The following SERPINB4 variants were observed in gnomAD, a reference collection of about 807,000 sequenced individuals.
SERPINB4 encodes the protein serpin B4.
Under a neutral mutation model 33.2 loss-of-function variants are expected in SERPINB4, and 39 were observed. The observed-to-expected ratio is 1.18, with a 90% CI of 0.91 to 1.53. The LOEUF (loss-of-function observed/expected upper bound fraction) is 1.53, where lower values mean the gene tolerates loss of function less well. Ranked by LOEUF, SERPINB4 falls within the 40% of genes most tolerant of loss-of-function variation. The pLI is 0.00. For synonymous variants in SERPINB4, 191 were observed against 166.4 expected, an observed-to-expected ratio of 1.15 and a Z score of -1.14; for missense variants, 564 against 455.4, an observed-to-expected ratio of 1.24 and a Z score of -2.17.
intron 4 of SERPINB4, among the ~76,000 whole-genome samples, chr18:63,641,457 G>C (rs919672586): frequency 1.3e-5 from 2 of 151,876 alleles, no homozygotes; most frequent in Non-Finnish European, 2.9e-5. Context: ...AAGATGTATC[G>C]TATGTGACTG....
chr18:63,642,098 G>A (rs756640548), intron 3 of SERPINB4, among the ~76,000 whole-genome samples: 4 of 151,920 alleles, frequency 2.6e-5, no homozygotes, highest in Admixed American at 1.3e-4. Context: ...TTGCTCTAAC[G>A]TACTGCAATC....
At chr18:63,638,218 C>CA in intron 7 of SERPINB4, 95 bp from the exon 8 acceptor site, 1 of 1,409,586 alleles carries the variant, frequency 7.1e-7, no homozygotes, top group Non-Finnish European at 9.5e-7. Flanking sequence ...GTTATTTTGG[C>CA]AATAAATGTG....
In SERPINB4 at chr18:63,641,955, T is replaced by C. The variant is rs1290128664; in HGVS notation, c.223-67A>G. ...ATGTAAATACTAAACCCATGCTAAG[T>C]CTGTTAGATCAGTCCCTAAATGCTG... is the stretch of plus-strand genomic sequence containing the variant. On this transcript the variant is annotated intron_variant, in intron 3 of 7. Coordinates refer to ENST00000341074, the MANE Select transcript of SERPINB4 (RefSeq NM_002974.4). 4 of 1,598,862 alleles carry C rather than the reference T, an allele frequency of 2.5e-6. No homozygotes were observed. The Admixed American group carries it at 5.1e-5, about 20-fold the overall frequency.
intron 7 of SERPINB4, among the ~76,000 whole-genome samples, 190 bp from the exon 8 acceptor site, chr18:63,638,313 T>C (rs1166724953): frequency 6.6e-6 from 1 of 152,084 alleles, no homozygotes; most frequent in Non-Finnish European, 1.5e-5. Flanking sequence ...TTGGGTTATA[T>C]GTGTATATGT....
chr18:63,640,298 A>C (rs1183491321), intron 5 of SERPINB4, among the ~76,000 whole-genome samples: 1 of 151,952 alleles, frequency 6.6e-6, no homozygotes, highest in Admixed American at 6.6e-5. Context: ...GAGTTGCTGT[A>C]AGTTTGGCCT....
At position 63,643,253 on chromosome 18, in the gene SERPINB4, C is replaced by A. The variant is rs1913197989; in HGVS notation, c.166-36G>T. On this transcript the variant is annotated intron_variant, in intron 2 of 7. Coordinates refer to ENST00000341074, the MANE Select transcript of SERPINB4 (RefSeq NM_002974.4). Reference sequence around the variant, plus strand: ...CATGAAGCGGGACAAGAAAACTTTACTCAAAAGATCTGTTTAAGTCAGTGG... The same window carrying A: ...CATGAAGCGGGACAAGAAAACTTTAATCAAAAGATCTGTTTAAGTCAGTGG... 4 of 1,612,982 alleles carry A rather than the reference C, an allele frequency of 2.5e-6. No individual in the cohort carries two copies. The East Asian group carries it at 8.9e-5, about 36-fold the overall frequency.
chr18:63,640,041 A>G (rs183150358), intron 5 of SERPINB4, among the ~76,000 whole-genome samples: 173 of 152,192 alleles, frequency 1.1e-3, no homozygotes, highest in Non-Finnish European at 2.0e-3. Flanking sequence ...TCTGTGTATG[A>G]ATGTCTCCAA....
At chr18:63,639,945 G>A (rs1442887955) in intron 5 of SERPINB4, among the ~76,000 whole-genome samples, 169 bp from the exon 6 acceptor site, 1 of 152,030 alleles carries the variant, frequency 6.6e-6, no homozygotes, top group Non-Finnish European at 1.5e-5. Context: ...TGGTTCACCA[G>A]ATGCAGCTTT....
Position 63,640,947 on chromosome 18 carries a change from T to C in SERPINB4, c.396A>G (p.Glu132=), listed in dbSNP as rs1393882836. 6.2e-7 allele frequency: 1 copy of C among 1,612,846 alleles called. No individual in the cohort carries two copies. The highest frequency in any genetic ancestry group is 8.5e-7 in the Non-Finnish European group (1 of 1,179,302). The change falls in exon 5 of 8, where the codon GAA becomes GAG. Residue 132 remains glutamate (E), a synonymous_variant. Transcript: ENST00000341074. The stretch of plus-strand genomic sequence containing the variant: ...CTGGAGCATTTGCAAAATCAGTAGA[T>C]TCCACACTGGTCTGGTAAAATTTCT... ...AIKKFYQTSV[E]STDFANAPEE... is the part of the protein sequence containing the mutation.
intron 7 of SERPINB4, 152 bp from the exon 8 acceptor site, chr18:63,638,275 A>AT (rs1913006464): frequency 7.0e-6 from 6 of 852,052 alleles, no homozygotes; most frequent in Non-Finnish European, 1.1e-5. Flanking sequence ...CTAATAGGTA[A>AT]AATATGAGTC....
intron 1 of SERPINB4, among the ~76,000 whole-genome samples, chr18:63,643,843 C>T (rs922751176): frequency 2.6e-5 from 4 of 152,094 alleles, no homozygotes; most frequent in African/African-American, 7.2e-5. Flanking sequence ...AATCGACCCT[C>T]TTTATCTTTC....
At position 63,639,329 on chromosome 18, in the gene SERPINB4, T is replaced by C. The variant is rs2144465913; in HGVS notation, c.624A>G (p.Lys208=). ...EKFWPNKNTY[K]SVQMMRQYNS... is the part of the protein sequence containing the mutation. ...TGTATTGCCTCATCATCTGTACAGATTTGTATGTATTCTGCAATAAATCAA... is the reference window on the plus strand; with the variant it reads ...TGTATTGCCTCATCATCTGTACAGACTTGTATGTATTCTGCAATAAATCAA... Residue 208 remains lysine, a synonymous_variant, in exon 7 of 8, where the codon AAA becomes AAG. Coordinates refer to ENST00000341074, the MANE Select transcript of SERPINB4 (RefSeq NM_002974.4). 1.9e-6 allele frequency: 3 copies of C among 1,605,530 alleles called. No individual in the cohort carries two copies. The South Asian group carries it at 3.3e-5, about 18-fold the overall frequency.
At chr18:63,638,758 A>C (rs1199254118) in intron 7 of SERPINB4, among the ~76,000 whole-genome samples, 1 of 141,806 alleles carries the variant, frequency 7.1e-6, no homozygotes, top group East Asian at 2.1e-4. Context: ...TGGGAATTGA[A>C]CAATGAGAAC....
At chr18:63,641,426 A>T (rs1913126588) in intron 4 of SERPINB4, among the ~76,000 whole-genome samples, 1 of 152,052 alleles carries the variant, frequency 6.6e-6, no homozygotes, top group Non-Finnish European at 1.5e-5. Flanking sequence ...ATAATATCCC[A>T]TTAGTCATAC....
intron 5 of SERPINB4, among the ~76,000 whole-genome samples, chr18:63,640,463 T>C (rs1368273554): frequency 2.0e-5 from 3 of 152,066 alleles, no homozygotes; most frequent in Non-Finnish European, 4.4e-5. Flanking sequence ...AAAAGGGTGA[T>C]TTACCAGAGA....
chr18:63,643,409 C>A lies in SERPINB4; in HGVS notation c.165+4G>T, dbSNP rs1913204314. 1 of 1,613,624 alleles carries A rather than the reference C, an allele frequency of 6.2e-7. No homozygotes were observed. The highest frequency in any genetic ancestry group is 8.5e-7 in the Non-Finnish European group (1 of 1,179,676). ...CAGGACAACGTAATGATGCTGATAG[C>A]TACCTTGCTAATTTGTTGTGCAGTG... On this transcript the variant is annotated splice_donor_region_variant and intron_variant, in intron 2 of 7. Coordinates refer to ENST00000341074, the MANE Select transcript of SERPINB4 (RefSeq NM_002974.4).
rs1444853077 is a variant in SERPINB4 at position 63,637,347 on chromosome 18, C to G, written c.*372G>C. 1.8e-5 allele frequency: 3 copies of G among 166,798 alleles called. No homozygotes were observed. Among genetic ancestry groups the G allele is most frequent in the African/African-American group, 7.2e-5 (3 of 41,880 alleles). 10.3% of individuals were successfully genotyped at this position (166,798 alleles called of 1,614,324 possible). ...GAAGGATTTAGGTATCACCTAAATT[C>G]AAAGAAATGTGTGTTTCTAGGTTGC... On this transcript the variant is annotated 3_prime_UTR_variant, in exon 8 of 8. Transcript: ENST00000341074.
intron 3 of SERPINB4, among the ~76,000 whole-genome samples, chr18:63,642,385 C>G (rs909721579): frequency 6.6e-6 from 1 of 151,988 alleles, no homozygotes; most frequent in African/African-American, 2.4e-5. Context: ...ATTCTCTGCA[C>G]GTAAGAAGAG....
chr18:63,637,666 C>G lies in SERPINB4; in HGVS notation c.*53G>C. 3 of 1,516,978 alleles carry G rather than the reference C, an allele frequency of 2.0e-6. No individual in the cohort carries two copies. The highest frequency in any genetic ancestry group is 1.8e-6 in the Non-Finnish European group (2 of 1,130,376). 94.0% of individuals were successfully genotyped at this position (1,516,978 alleles called of 1,614,324 possible). ...TCTGTTGTTGCCAGCAATCAGTTTA[C>G]CAGAACACCTCTAGGTGAACATTTT... On this transcript the variant is annotated 3_prime_UTR_variant, in exon 8 of 8. Transcript: ENST00000341074.
Sources: gnomAD v4.1 joint callset for allele counts (sites outside exome capture counted in the v4.1 genomes callset) on GRCh38, gnomAD v4.1.1 for gene constraint, MANE v1.5 for transcripts, NCBI Gene and HGNC (gene_info 2026-07-23, HGNC 2026-07-21) for gene names.